DSCAML1: variants seen among roughly 807,000 people sequenced by gnomAD.
The protein encoded by DSCAML1 is DS cell adhesion molecule like 1, also known as cell adhesion molecule DSCAML1.
DSCAML1 carries 38 observed loss-of-function variants against 200.5 expected under a neutral mutation model. That is an observed-to-expected ratio of 0.19 (90% CI 0.15 to 0.25). The LOEUF (loss-of-function observed/expected upper bound fraction) is 0.25, where lower values mean the gene tolerates loss of function less well. Ranked by LOEUF, DSCAML1 falls within the 10% of genes least tolerant of loss-of-function variation. The pLI, the probability that DSCAML1 is intolerant of heterozygous loss-of-function variation, is 1.00. For missense variants in DSCAML1, 2,223 were observed against 2,858.8 expected, an observed-to-expected ratio of 0.78 and a Z score of 5.07; for synonymous variants, 1,215 against 1,165.0, an observed-to-expected ratio of 1.04 and a Z score of -0.87.
intron 21 of DSCAML1, among the ~76,000 whole-genome samples, chr11:117,442,861 G>C (rs3894251): frequency 0.3 from 45,012 of 152,042 alleles, 6,781 homozygotes; most frequent in South Asian, 0.35. Context: ...ACTCCTTCCC[G>C]GTTGTCTTTG....
chr11:117,442,340 ATGTG>A (rs759334870), intron 21 of DSCAML1, among the ~76,000 whole-genome samples: 3 of 150,510 alleles, frequency 2.0e-5, no homozygotes, highest in Non-Finnish European at 4.4e-5. Context: ...TATAGTGTGT[ATGTG>A]TGTGCATGTG....
intron 11 of DSCAML1, among the ~76,000 whole-genome samples, chr11:117,492,897 G>A: frequency 6.6e-6 from 1 of 152,166 alleles, no homozygotes; most frequent in East Asian, 1.9e-4. Flanking sequence ...CACCCACTTC[G>A]GCTTCTTGTC....
chr11:117,644,670 G>A (rs1232643093), intron 3 of DSCAML1, among the ~76,000 whole-genome samples: 1 of 152,236 alleles, frequency 6.6e-6, no homozygotes, highest in African/African-American at 2.4e-5. Context: ...GAGCCGCGGA[G>A]TCCGCTCAGC....
intron 20 of DSCAML1, among the ~76,000 whole-genome samples, chr11:117,445,223 G>A (rs1193297466): frequency 6.6e-6 from 1 of 152,184 alleles, no homozygotes; most frequent in Non-Finnish European, 1.5e-5. Flanking sequence ...CCATCTGCAG[G>A]GAAATGTTAG....
At chr11:117,595,825 G>GT (rs1452979329) in intron 3 of DSCAML1, among the ~76,000 whole-genome samples, 1 of 151,858 alleles carries the variant, frequency 6.6e-6, no homozygotes, top group Non-Finnish European at 1.5e-5. Flanking sequence ...TGCAACCAAC[G>GT]TAAGACTGTC....
rs1423316399 is a variant in DSCAML1, at chr11:117,458,747, G to T, written c.3568+7C>A. ...CCAGCCTGTCCCAAGGAGAGGCCTG[G>T]ACTCACCGTCCTCCTTGGTCTGGAT... On this transcript the variant is annotated splice_region_variant and intron_variant, in intron 19 of 32. Coordinates refer to ENST00000651296, the MANE Select transcript of DSCAML1 (RefSeq NM_020693.4). The T allele has an allele frequency of 6.2e-7, 1 of 1,611,832 alleles. No individual in the cohort carries two copies. Among genetic ancestry groups the T allele is most frequent in the East Asian group, 2.2e-5 (1 of 44,862 alleles).
chr11:117,781,955 C>T (rs2055272657), intron 1 of DSCAML1, among the ~76,000 whole-genome samples: 1 of 152,230 alleles, frequency 6.6e-6, no homozygotes, highest in African/African-American at 2.4e-5. Context: ...TGTCCCCCTT[C>T]CTCTTGAGGA....
chr11:117,712,502 A>C (rs1398651543), intron 3 of DSCAML1, among the ~76,000 whole-genome samples: 3 of 152,180 alleles, frequency 2.0e-5, no homozygotes, highest in African/African-American at 7.2e-5. Flanking sequence ...TGGAAAATTT[A>C]TGAAGTGCTG....
intron 3 of DSCAML1, among the ~76,000 whole-genome samples, chr11:117,646,867 A>C (rs549839496): frequency 6.6e-6 from 1 of 151,942 alleles, no homozygotes; most frequent in African/African-American, 2.4e-5. Context: ...AAAAAAAAAA[A>C]CAAATCCAGA....
intron 3 of DSCAML1, among the ~76,000 whole-genome samples, chr11:117,665,714 C>A (rs950586906): frequency 2.0e-5 from 3 of 152,172 alleles, no homozygotes; most frequent in African/African-American, 7.2e-5. Context: ...GGGATTCACA[C>A]CAGGCAGCAT....
chr11:117,470,103 G>T, intron 15 of DSCAML1, 123 bp from the exon 16 acceptor site: 2 of 780,674 alleles, frequency 2.6e-6, no homozygotes, highest in Non-Finnish European at 3.8e-6. Flanking sequence ...AAGCTCAGAT[G>T]CAGATAGCAG....
At chr11:117,700,577 T>G (rs991071095) in intron 3 of DSCAML1, among the ~76,000 whole-genome samples, 2 of 152,246 alleles carry the variant, frequency 1.3e-5, no homozygotes, top group Admixed American at 1.3e-4. Flanking sequence ...AGCTAGTGAC[T>G]GACCTGCTTT....
At chr11:117,614,760 A>G (rs111481617) in intron 3 of DSCAML1, among the ~76,000 whole-genome samples, 314 of 152,332 alleles carry the variant, frequency 2.1e-3, no homozygotes, top group African/African-American at 7.0e-3. Flanking sequence ...TTCAGTGGGA[A>G]GCCTGGAGCA....
rs1379850742 is a variant in DSCAML1, at chr11:117,778,421, C to T, written c.365-1484G>A. On this transcript the variant is annotated intron_variant, in intron 2 of 32. Transcript: ENST00000651296. Reference sequence around the variant, plus strand: ...GGAGTCAGCAGAGGTTAATGGCTAACGGCATCTAACAAGCGGGCCCTGCCT... The same window carrying T: ...GGAGTCAGCAGAGGTTAATGGCTAATGGCATCTAACAAGCGGGCCCTGCCT... Among the ~76,000 whole-genome samples, 9 of 152,302 alleles carry T rather than the reference C, an allele frequency of 5.9e-5. No homozygotes were observed. In the South Asian group the frequency reaches 1.0e-3, roughly 18 times the overall value.
At chr11:117,768,811 C>T (rs4938439) in intron 3 of DSCAML1, among the ~76,000 whole-genome samples, 131,881 of 151,970 alleles carry the variant, frequency 0.87, 57,762 homozygotes, top group East Asian at 0.98. Context: ...CACTATATCT[C>T]CTGTGAATTG....
At chr11:117,591,425 G>A (rs2051257455) in intron 3 of DSCAML1, among the ~76,000 whole-genome samples, 2 of 152,226 alleles carry the variant, frequency 1.3e-5, no homozygotes, top group Admixed American at 1.3e-4. Context: ...AACCTCGTCT[G>A]CTAGGAGACA....
At chr11:117,444,082 G>T in intron 20 of DSCAML1, 43 bp from the exon 21 acceptor site, 1 of 1,569,160 alleles carries the variant, frequency 6.4e-7, no homozygotes, top group Non-Finnish European at 8.7e-7. Flanking sequence ...CAGAACTGGG[G>T]CCCTCCAGCG....
intron 19 of DSCAML1, among the ~76,000 whole-genome samples, chr11:117,451,786 G>C (rs1159237931): frequency 6.7e-6 from 1 of 149,338 alleles, no homozygotes; most frequent in Non-Finnish European, 1.5e-5. Flanking sequence ...TTGCACTCCA[G>C]CCAGGGCAAC....
chr11:117,659,634 T>TGGTACGATTCAGGACTGACTGC (rs2052802144), intron 3 of DSCAML1, among the ~76,000 whole-genome samples: 1 of 152,114 alleles, frequency 6.6e-6, no homozygotes, highest in Admixed American at 6.5e-5. Context: ...CTTGGCTCTG[T>TGGTACGATTCAGGACTGACTGC]GGTACGATTC....
Sources: allele counts gnomAD v4.1 joint callset (sites outside exome capture counted in the v4.1 genomes callset), GRCh38; gene constraint gnomAD v4.1.1; transcripts MANE v1.5; gene names NCBI Gene and HGNC (gene_info 2026-07-23, HGNC 2026-07-21).